ATP13A1: variants seen among roughly 807,000 people sequenced by gnomAD.
ATP13A1 encodes the protein endoplasmic reticulum transmembrane helix translocase.
A neutral mutation model predicts 134.8 loss-of-function variants in ATP13A1; 55 were observed. The ratio of observed to expected loss-of-function variants is 0.41; its 90% CI spans 0.33 to 0.51. ATP13A1 has a LOEUF of 0.51. Among genes scored for constraint, ATP13A1 ranks in the 20% least tolerant of loss-of-function variants. The probability of loss-of-function intolerance (pLI) is 0.29; values close to 1 mark genes in which losing one functional copy is unlikely to be tolerated. For missense variants in ATP13A1, 1,389 were observed against 1,652.8 expected (o/e 0.84, Z 2.77); for synonymous variants, 775 against 725.1 (o/e 1.07, Z -1.10).
intron 16 of ATP13A1, among the ~76,000 whole-genome samples, chr19:19,652,333 CG>C (rs1314291714): frequency 6.6e-6 from 1 of 152,160 alleles, no homozygotes; most frequent in Non-Finnish European, 1.5e-5. Flanking sequence ...GGCGGTGGAA[CG>C]GGGAAGTGGA....
At chr19:19,654,437 G>T in intron 13 of ATP13A1, 106 bp downstream of exon 13, 3 of 1,369,714 alleles carry the variant, frequency 2.2e-6, no homozygotes, top group Non-Finnish European at 2.9e-6. Flanking sequence ...CATCAGAGCT[G>T]TAGGCCTGCC....
rs1489155241 is a variant in ATP13A1, at chr19:19,646,340, T to C, written c.3113A>G (p.Lys1038Arg). The C allele has an allele frequency of 1.2e-6, 2 of 1,613,772 alleles. No homozygotes were observed. Among genetic ancestry groups the C allele is most frequent in the South Asian group, 1.1e-5 (1 of 91,080 alleles). Residue 1038 changes from lysine (K) to arginine (R), a missense_variant, in exon 23 of 26, where the codon AAG becomes AGG. Physicochemically the swap from Lys to Arg is conservative, Grantham distance 26. Coordinates refer to ENST00000357324, the MANE Select transcript of ATP13A1 (RefSeq NM_020410.3). Reference sequence around the variant, plus strand: ...CAGGGGCCGTTCTCGGGAGAGGGTCTTGAGGGGCTGCAGCAGCAAGGCGGG... The same window carrying C: ...CAGGGGCCGTTCTCGGGAGAGGGTCCTGAGGGGCTGCAGCAGCAAGGCGGG... ...FLFISRSKPL[K>R]TLSRERPLPN...
chr19:19,646,110 T>C (rs915315477), intron 23 of ATP13A1, 95 bp downstream of exon 23: 3 of 1,597,826 alleles, frequency 1.9e-6, no homozygotes, highest in African/African-American at 2.7e-5. Context: ...CTGGACACCC[T>C]GGACAACCCC....
At position 19,653,941 on chromosome 19, in the gene ATP13A1, C is replaced by A; in HGVS notation, c.1989+28G>T. On this transcript the variant is annotated intron_variant, in intron 14 of 25. Coordinates refer to ENST00000357324, the MANE Select transcript of ATP13A1 (RefSeq NM_020410.3). This position sits in a 1 kb window ranked among gnomAD's most constrained non-coding sequence, Gnocchi z 4.2. The stretch of plus-strand genomic sequence containing the variant: ...GTCACGGGCTGCCCCGCGCCCCCAC[C>A]CCTTGCCCCAGGCTGGGGCCAGCTC... 2 of 1,579,228 alleles carry A rather than the reference C, an allele frequency of 1.3e-6. No homozygotes were observed. The highest frequency in any genetic ancestry group is 8.6e-7 in the Non-Finnish European group (1 of 1,163,296).
chr19:19,659,066 C>A (rs558098264), intron 3 of ATP13A1, among the ~76,000 whole-genome samples: 5 of 152,344 alleles, frequency 3.3e-5, no homozygotes, highest in Non-Finnish European at 5.9e-5. Flanking sequence ...AGCTGCAGAC[C>A]CTCTGGGGTT....
At chr19:19,663,098 T>C (rs1233719463) in intron 1 of ATP13A1, 173 bp downstream of exon 1, 1 of 934,990 alleles carries the variant, frequency 1.1e-6, no homozygotes, top group Non-Finnish European at 1.7e-6. Flanking sequence ...GCACAGCAAG[T>C]CAGCAGTGGG....
At chr19:19,646,058 C>A in intron 23 of ATP13A1, 73 bp from the exon 24 acceptor site, 1 of 1,598,256 alleles carries the variant, frequency 6.3e-7, no homozygotes, top group Non-Finnish European at 8.5e-7. Context: ...TTCCTGCTGC[C>A]CTGGCACAGA....
intron 17 of ATP13A1, 48 bp from the exon 18 acceptor site, chr19:19,649,988 T>A: frequency 6.7e-7 from 1 of 1,502,362 alleles, no homozygotes; most frequent in Admixed American, 2.0e-5. Flanking sequence ...CTGACCGGGC[T>A]CAGAAGCACC....
chr19:19,652,764 G>A (rs1323821382), intron 15 of ATP13A1, 44 bp from the exon 16 acceptor site: 1 of 1,567,694 alleles, frequency 6.4e-7, no homozygotes, highest in Non-Finnish European at 8.6e-7. Flanking sequence ...CCCTCCCTCT[G>A]CCCACACTCT....
intron 4 of ATP13A1, 35 bp downstream of exon 4, chr19:19,657,301 G>A (rs1397639706): frequency 3.2e-6 from 5 of 1,549,370 alleles, no homozygotes; most frequent in Non-Finnish European, 4.4e-6. Flanking sequence ...CCCCAAGGGA[G>A]GAAATGGGGA....
Position 19,652,771 on chromosome 19 carries a change from C to T in ATP13A1, c.2101-51G>A, listed in dbSNP as rs374053878. On this transcript the variant is annotated intron_variant, in intron 15 of 25. Coordinates refer to ENST00000357324, the MANE Select transcript of ATP13A1 (RefSeq NM_020410.3). ...CCATCTGTCCCTCCCTCTGCCCACA[C>T]TCTGCATTTCCTGAGCTCTGACCAT... 7.1e-4 allele frequency: 1,112 copies of T among 1,557,270 alleles called. 1 individual carries two copies. Among genetic ancestry groups the T allele is most frequent in the Non-Finnish European group, 8.7e-4 (1,000 of 1,155,538 alleles).
chr19:19,659,715 T>A lies in ATP13A1; in HGVS notation c.563A>T (p.Gln188Leu). The A allele has an allele frequency of 6.2e-7, 1 of 1,613,986 alleles. No homozygotes were observed. ...CACAGGAAAGGCCACGGGGAGAAACTGCTTCTTCTCCAGGGCATCGTAGGA... is the reference window on the plus strand; with the variant it reads ...CACAGGAAAGGCCACGGGGAGAAACAGCTTCTTCTCCAGGGCATCGTAGGA... ...KYSYDALEKK[Q>L]FLPVAFPVGN... Residue 188 changes from glutamine to leucine, a missense_variant, in exon 3 of 26, where the codon CAG becomes CTG. Coordinates refer to ENST00000357324, the MANE Select transcript of ATP13A1 (RefSeq NM_020410.3).
In ATP13A1 at chr19:19,655,108, CT is replaced by C; in HGVS notation, c.1655+10del. 1 of 1,613,332 alleles carries C rather than the reference CT, an allele frequency of 6.2e-7. No individual in the cohort carries two copies. Among genetic ancestry groups the C allele is most frequent in the Non-Finnish European group, 8.5e-7 (1 of 1,179,790 alleles). On this transcript the variant is annotated intron_variant, in intron 12 of 25. Transcript: ENST00000357324. This position sits in a 1 kb window ranked among gnomAD's most constrained non-coding sequence, Gnocchi z 5.7. ...CTGGGTGACCTTTGCTGCAGGGCCC[CT>C]GATGCTTACCTCAGCCCGGCCACAC...
chr19:19,661,660 G>C (rs1401461093), intron 1 of ATP13A1, among the ~76,000 whole-genome samples: 1 of 152,172 alleles, frequency 6.6e-6, no homozygotes, highest in East Asian at 1.9e-4. Flanking sequence ...CAGCACCTAA[G>C]ACACAGAAAT....
Position 19,654,568 on chromosome 19 carries a change from C to A in ATP13A1, c.1788G>T (p.Thr596=), listed in dbSNP as rs551273698. 2 of 1,612,078 alleles carry A rather than the reference C, an allele frequency of 1.2e-6. No homozygotes were observed. The highest frequency in any genetic ancestry group is 1.7e-6 in the Non-Finnish European group (2 of 1,179,392). Reference sequence around the variant, plus strand: ...CTTTGGTCAGCGTCCAGTCCACGGCCGTCAGCATGGCCTTCTCTAGAGGGT... The same window carrying A: ...CTTTGGTCAGCGTCCAGTCCACGGCAGTCAGCATGGCCTTCTCTAGAGGGT... ...VGDPLEKAML[T]AVDWTLTKDE... The change falls in exon 13 of 26, where the codon ACG becomes ACT. Residue 596 remains threonine (T), a synonymous_variant. Transcript: ENST00000357324.
In ATP13A1 at chr19:19,647,351, T is replaced by C. The variant is rs1426873689; in HGVS notation, c.2909-26A>G. ...CTGCAGGGTGGTGGGGAGGCAGGTGTGGGTGTGGGTAGGGGTGCCAAGGGG... is the reference window on the plus strand; with the variant it reads ...CTGCAGGGTGGTGGGGAGGCAGGTGCGGGTGTGGGTAGGGGTGCCAAGGGG... On this transcript the variant is annotated intron_variant, in intron 21 of 25. Transcript: ENST00000357324. The surrounding 1 kb of genome is among the most constrained non-coding windows in gnomAD (Gnocchi z 4.8). 8.7e-6 allele frequency: 12 copies of C among 1,375,550 alleles called. No individual in the cohort carries two copies. The highest frequency in any genetic ancestry group is 1.0e-5 in the Non-Finnish European group (11 of 1,051,744). The allele number at this position is 1,375,550 out of a possible 1,614,324, so 85.2% of individuals were successfully genotyped here.
In ATP13A1 at chr19:19,654,005, C is replaced by T. The variant is rs755379513; in HGVS notation, c.1953G>A (p.Ala651=). Residue 651 remains alanine, a synonymous_variant, in exon 14 of 26, where the codon GCG becomes GCA. Coordinates refer to ENST00000357324, the MANE Select transcript of ATP13A1 (RefSeq NM_020410.3). ...GAGTTTCGGGGGCCCCCTTCACGGC[C>T]GCGATGTAGCAGAGGTCGGTGGAGC... ...KLGSTDLCYI[A]AVKGAPETLH... 9.6e-5 allele frequency: 154 copies of T among 1,598,610 alleles called. 1 individual carries two copies. Among genetic ancestry groups the T allele is most frequent in the Non-Finnish European group, 1.2e-4 (139 of 1,173,032 alleles).
intron 12 of ATP13A1, among the ~76,000 whole-genome samples, 163 bp from the exon 13 acceptor site, chr19:19,654,863 C>A (rs1407691974): frequency 6.6e-6 from 1 of 152,190 alleles, no homozygotes; most frequent in Non-Finnish European, 1.5e-5. Flanking sequence ...TTCACAGATG[C>A]CCCCAGAAGC....
Position 19,655,960 on chromosome 19 carries a change from A to G in ATP13A1, c.1214-27T>C. 1 of 1,606,814 alleles carries G rather than the reference A, an allele frequency of 6.2e-7. No homozygotes were observed. The highest frequency in any genetic ancestry group is 1.1e-5 in the South Asian group (1 of 90,474). ...TGGGGAGAGAAGCAGAGTCACCGTC[A>G]TGCCTGTCTCCTCGTCCTGACTCCC... On this transcript the variant is annotated intron_variant, in intron 8 of 25. Transcript: ENST00000357324. The surrounding 1 kb of genome is among the most constrained non-coding windows in gnomAD (Gnocchi z 5.7).
Sources: gnomAD v4.1 joint callset for allele counts (sites outside exome capture counted in the v4.1 genomes callset) on GRCh38, gnomAD v4.1.1 for gene constraint, Gnocchi (gnomAD v3.1) non-coding constraint, MANE v1.5 for transcripts, NCBI Gene and HGNC (gene_info 2026-07-23, HGNC 2026-07-21) for gene names.